Variants in DGUOK observed in about 807,000 individuals in gnomAD.
The protein encoded by DGUOK is deoxyguanosine kinase, mitochondrial.
DGUOK carries 30 observed loss-of-function variants against 36.6 expected under a neutral mutation model. The observed-to-expected ratio is 0.82, with a 90% confidence interval of 0.61 to 1.11. The LOEUF (loss-of-function observed/expected upper bound fraction) is 1.11, where lower values mean the gene tolerates loss of function less well. Ranked by LOEUF, DGUOK falls within the 50% of genes most tolerant of loss-of-function variation. The pLI is 0.00. For synonymous variants in DGUOK, 145 were observed against 126.3 expected (o/e 1.15, Z -0.99); for missense variants, 361 against 336.4 (o/e 1.07, Z -0.57).
intron 4 of DGUOK, among the ~76,000 whole-genome samples, chr2:73,953,719 C>CTTTTTTTTT (rs386390474): frequency 1.0e-5 from 1 of 95,784 alleles, no homozygotes; most frequent in African/African-American, 3.9e-5. Flanking sequence ...TCCCTAACTT[C>CTTTTTTTTT]TTTTTTTTTT....
chr2:73,927,610 A>G (rs917408844), intron 1 of DGUOK, among the ~76,000 whole-genome samples: 3 of 152,178 alleles, frequency 2.0e-5, no homozygotes, highest in Non-Finnish European at 4.4e-5. Context: ...CACATTCACA[A>G]TTTTTGCCCT....
At chr2:73,944,823 T>C (rs1682165727) in intron 2 of DGUOK, among the ~76,000 whole-genome samples, 1 of 152,184 alleles carries the variant, frequency 6.6e-6, no homozygotes, top group South Asian at 2.1e-4. Flanking sequence ...GTGTGTGAAT[T>C]GTGCAACAGG....
chr2:73,929,900 G>T (rs1487150729), intron 1 of DGUOK, among the ~76,000 whole-genome samples: 1 of 152,114 alleles, frequency 6.6e-6, no homozygotes, highest in African/African-American at 2.4e-5. Flanking sequence ...TTAGAAGAGG[G>T]TGTGAGTGTT....
Position 73,945,677 on chromosome 2 carries a change from T to C in DGUOK, c.256-1042T>C, listed in dbSNP as rs1682246864. ...CACACAGGCCTTCAGTGATTGGTGA[T>C]TGAATAAAAAATACAGATCCAAAGT... On this transcript the variant is annotated intron_variant, in intron 2 of 6. Transcript: ENST00000264093. Among the ~76,000 whole-genome samples, 3 of 152,178 alleles carry C rather than the reference T, an allele frequency of 2.0e-5. No individual in the cohort carries two copies. In the South Asian group the frequency reaches 6.2e-4, roughly 32 times the overall value.
intron 1 of DGUOK, among the ~76,000 whole-genome samples, chr2:73,927,562 A>G (rs899908829): frequency 1.1e-4 from 16 of 152,248 alleles, no homozygotes; most frequent in African/African-American, 3.9e-4. Flanking sequence ...TGGCAACCCT[A>G]TTCGAAGAGA....
intron 3 of DGUOK, among the ~76,000 whole-genome samples, chr2:73,948,512 ATT>A (rs1275956338): frequency 6.6e-6 from 1 of 152,126 alleles, no homozygotes; most frequent in Non-Finnish European, 1.5e-5. Flanking sequence ...ACTTGCACAG[ATT>A]TATTGGATGC....
Position 73,946,833 on chromosome 2 carries a change from G to A in DGUOK, c.370G>A (p.Glu124Lys), listed in dbSNP as rs777559041. The A allele has an allele frequency of 1.4e-5, 23 of 1,613,840 alleles. No individual in the cohort carries two copies. Among genetic ancestry groups the A allele is most frequent in the Non-Finnish European group, 1.9e-5 (22 of 1,180,026 alleles). The change falls in exon 3 of 7, where the codon GAG becomes AAG. Residue 124 changes from glutamate to lysine, a missense_variant. Transcript: ENST00000264093. The part of the protein sequence containing the change: ...SFLSRLKVQL[E>K]PFPEKLLQAR... ...TTTGAGCCGCCTGAAAGTACAGCTG[G>A]AGCCCTTCCCTGAGAAACTCTTACA...
chr2:73,954,302 C>A (rs935415608), intron 4 of DGUOK, among the ~76,000 whole-genome samples: 2 of 152,054 alleles, frequency 1.3e-5, no homozygotes, highest in Non-Finnish European at 2.9e-5. Context: ...AGGATTACAC[C>A]ACTGCATTTC....
intron 1 of DGUOK, among the ~76,000 whole-genome samples, chr2:73,930,912 C>G (rs1174368245): frequency 6.6e-6 from 1 of 150,782 alleles, no homozygotes; most frequent in Non-Finnish European, 1.5e-5. Context: ...TCTCCTGCCT[C>G]AGGCTCCCAA....
chr2:73,951,500 A>G (rs1682701992), intron 4 of DGUOK, among the ~76,000 whole-genome samples: 1 of 152,006 alleles, frequency 6.6e-6, no homozygotes, highest in South Asian at 2.1e-4. Flanking sequence ...TTTGAGATAT[A>G]CATCCAATAT....
Position 73,926,893 on chromosome 2 carries a change from G to A in DGUOK, c.-18G>A. Reference sequence around the variant, plus strand: ...AGTGCTCTCGGCGGAAGTGATCGCTGTGTGAATCGTGGGTGGGATGGCCGC... The same window carrying A: ...AGTGCTCTCGGCGGAAGTGATCGCTATGTGAATCGTGGGTGGGATGGCCGC... On this transcript the variant is annotated 5_prime_UTR_variant, in exon 1 of 7. It adds an upstream start codon to the 5' untranslated region. Transcript: ENST00000264093. The A allele has an allele frequency of 7.4e-6, 12 of 1,613,286 alleles. No individual in the cohort carries two copies. The highest frequency in any genetic ancestry group is 1.0e-5 in the Non-Finnish European group (12 of 1,180,036).
In DGUOK at chr2:73,938,917, A is replaced by G. The variant is rs2104906730; in HGVS notation, c.150A>G (p.Gly50=). Residue 50 remains glycine, a synonymous_variant, in exon 2 of 7, where the codon GGA becomes GGG. Transcript: ENST00000264093. The part of the protein sequence containing the change: ...RLSIEGNIAV[G]KSTFVKLLTK... ...ATGCTATTTGCATTGCAGCTGTGGG[A>G]AAGTCCACGTTTGTGAAGTTACTCA... is the stretch of plus-strand genomic sequence containing the variant. 1 of 1,612,310 alleles carries G rather than the reference A, an allele frequency of 6.2e-7. No homozygotes were observed. The highest frequency in any genetic ancestry group is 8.5e-7 in the Non-Finnish European group (1 of 1,178,354).
intron 4 of DGUOK, among the ~76,000 whole-genome samples, chr2:73,954,064 G>A (rs1474563489): frequency 1.3e-5 from 2 of 152,062 alleles, no homozygotes; most frequent in Non-Finnish European, 2.9e-5. Flanking sequence ...TGGACCAGGC[G>A]GGTGCAGTGG....
intron 3 of DGUOK, chr2:73,947,750 T>C (rs1014009300): frequency 3.9e-5 from 6 of 152,292 alleles, no homozygotes; most frequent in African/African-American, 1.4e-4. Flanking sequence ...ATCTGAAGCC[T>C]ATGAATGACC....
chr2:73,946,330 T>G lies in DGUOK; in HGVS notation c.256-389T>G, dbSNP rs1682301920. ...GAAGCTCAAAAGAGAGGCAACATAG[T>G]GTTATAGTGGAAAGATTTGATTCAG... On this transcript the variant is annotated intron_variant, in intron 2 of 6. Transcript: ENST00000264093. 3.3e-5 allele frequency among the ~76,000 whole-genome samples: 5 copies of G among 152,134 alleles called. 1 individual carries two copies. In the South Asian group the frequency reaches 8.3e-4, roughly 25 times the overall value.
rs148349250 is a variant in DGUOK at position 73,956,267 on chromosome 2, CTTT to C, written c.592-857_592-855del. On this transcript the variant is annotated intron_variant, in intron 4 of 6. Coordinates refer to ENST00000264093, the MANE Select transcript of DGUOK (RefSeq NM_080916.3). ...TCAAGCCTCACTTGTTTTTCCACTT[CTTT>C]GTTTTATCTTTGACCTGTGCAAATT... Among the ~76,000 whole-genome samples, 20 of 152,312 alleles carry C rather than the reference CTTT, an allele frequency of 1.3e-4. No individual in the cohort carries two copies. The East Asian group carries it at 3.7e-3, about 28-fold the overall frequency.
Position 73,946,713 on chromosome 2 carries a change from C to T in DGUOK, c.256-6C>T, listed in dbSNP as rs568816337. On this transcript the variant is annotated splice_region_variant and splice_polypyrimidine_tract_variant and intron_variant, in intron 2 of 6. Transcript: ENST00000264093. ...AAATTTTCTTCTTTTTTTCATCTCC[C>T]TCTAGGCCTGCACTGCCCAAAGTCT... 10 of 1,613,994 alleles carry T rather than the reference C, an allele frequency of 6.2e-6. No homozygotes were observed. The South Asian group carries it at 9.9e-5, about 16-fold the overall frequency.
At chr2:73,933,892 T>C (rs1681250025) in intron 1 of DGUOK, among the ~76,000 whole-genome samples, 1 of 152,198 alleles carries the variant, frequency 6.6e-6, no homozygotes, top group Non-Finnish European at 1.5e-5. Flanking sequence ...TCAAATACAG[T>C]ATCTGAAATA....
chr2:73,951,919 A>G (rs113843683), intron 4 of DGUOK, among the ~76,000 whole-genome samples: 3,379 of 152,350 alleles, frequency 0.022, 68 homozygotes, highest in Non-Finnish European at 0.038. Context: ...CTACAATCCC[A>G]GCACTTTGGG....
Sources: gnomAD v4.1 joint callset for allele counts (sites outside exome capture counted in the v4.1 genomes callset) on GRCh38, gnomAD v4.1.1 for gene constraint, MANE v1.5 for transcripts, NCBI Gene and HGNC (gene_info 2026-07-23, HGNC 2026-07-21) for gene names.